RELN: variants seen among roughly 807,000 people sequenced by gnomAD.
RELN encodes reelin.
RELN carries 108 observed loss-of-function variants against 427.6 expected under a neutral mutation model. The observed-to-expected ratio is 0.25, with a 90% confidence interval of 0.22 to 0.30. The LOEUF (loss-of-function observed/expected upper bound fraction) is 0.30, where lower values mean the gene tolerates loss of function less well. RELN is among the 10% of genes least tolerant of loss of function. The probability of loss-of-function intolerance (pLI) is 1.00; values close to 1 mark genes in which losing one functional copy is unlikely to be tolerated. For missense variants in RELN, 3,715 were observed against 4,302.8 expected (o/e 0.86, Z 3.82); for synonymous variants, 1,524 against 1,513.4 (o/e 1.01, Z -0.16).
intron 1 of RELN, among the ~76,000 whole-genome samples, chr7:103,985,876 G>A (rs929278937): frequency 1.3e-5 from 2 of 152,080 alleles, no homozygotes; most frequent in African/African-American, 4.8e-5. Flanking sequence ...TGCTGATTAC[G>A]GGGCATGGCT....
intron 3 of RELN, among the ~76,000 whole-genome samples, chr7:103,825,335 G>C (rs956281408): frequency 6.6e-6 from 1 of 152,114 alleles, no homozygotes; most frequent in Non-Finnish European, 1.5e-5. Flanking sequence ...GCAGCACTAA[G>C]TCCTGGGCAC....
At chr7:103,656,604 C>T (rs1043047411) in intron 12 of RELN, among the ~76,000 whole-genome samples, 3 of 152,044 alleles carry the variant, frequency 2.0e-5, no homozygotes, top group Non-Finnish European at 4.4e-5. Flanking sequence ...TCATGACACA[C>T]TGTTTTTATG....
chr7:103,670,553 T>G (rs989047553), intron 11 of RELN, among the ~76,000 whole-genome samples: 10 of 151,956 alleles, frequency 6.6e-5, no homozygotes, highest in Non-Finnish European at 8.8e-5. Flanking sequence ...TTTTTTGGTA[T>G]CATCATAGAA....
chr7:103,610,107 T>A (rs1244688632), intron 22 of RELN, among the ~76,000 whole-genome samples: 1 of 152,220 alleles, frequency 6.6e-6, no homozygotes, highest in African/African-American at 2.4e-5. Context: ...AAATATTACA[T>A]CTTTTTGAGT....
intron 43 of RELN, 73 bp from the exon 44 acceptor site, chr7:103,540,528 A>G (rs1830155544): frequency 7.0e-7 from 1 of 1,428,784 alleles, no homozygotes; most frequent in Non-Finnish European, 9.8e-7. Flanking sequence ...AGACAAGCAC[A>G]TGGGGTAATG....
intron 1 of RELN, among the ~76,000 whole-genome samples, chr7:103,958,432 T>G (rs912604438): frequency 8.5e-5 from 13 of 152,198 alleles, no homozygotes; most frequent in Non-Finnish European, 2.9e-5. Context: ...GTGGTGTGCT[T>G]CTGACCCAAT....
Position 103,636,337 on chromosome 7 carries a change from A to T in RELN, c.2201T>A (p.Val734Asp), listed in dbSNP as rs794727207. The change falls in exon 18 of 65, where the codon GTC (valine) becomes GAC (aspartate). Residue 734 changes from valine (V) to aspartate (D), a missense_variant. Physicochemically the swap from Val to Asp is radical, Grantham distance 152 (BLOSUM62 -3). Transcript: ENST00000428762. Reference protein sequence around the residue: ...HNFYSIRGAEVSFGCGVLASG... With the variant: ...HNFYSIRGAEDSFGCGVLASG... ...GGCCAAGACACCACAACCAAAGCTG[A>T]CTTCAGCACCACGGATAGAGTAAAA... 1 of 1,614,056 alleles carries T rather than the reference A, an allele frequency of 6.2e-7. No homozygotes were observed.
intron 5 of RELN, among the ~76,000 whole-genome samples, chr7:103,750,451 C>A (rs557234467): frequency 6.6e-6 from 1 of 152,236 alleles, no homozygotes; most frequent in East Asian, 1.9e-4. Flanking sequence ...TAAAAATAAC[C>A]CAGTCTTGGG....
At chr7:103,922,813 G>C (rs185998698) in intron 1 of RELN, among the ~76,000 whole-genome samples, 2 of 152,026 alleles carry the variant, frequency 1.3e-5, no homozygotes, top group Non-Finnish European at 1.5e-5. Flanking sequence ...GTCTACAAAT[G>C]CTCTATGGTC....
intron 10 of RELN, among the ~76,000 whole-genome samples, chr7:103,686,680 G>T (rs1465987586): frequency 1.3e-5 from 2 of 152,174 alleles, no homozygotes; most frequent in African/African-American, 4.8e-5. Context: ...ATTGGAAATT[G>T]ACTAATTTAT....
At chr7:103,909,469 G>C (rs867526642) in intron 2 of RELN, among the ~76,000 whole-genome samples, 2 of 150,174 alleles carry the variant, frequency 1.3e-5, no homozygotes, top group Non-Finnish European at 2.9e-5. Flanking sequence ...AAAGTTTGAA[G>C]TTTTTCTTAA....
At chr7:103,661,564 T>C (rs774071461) in intron 11 of RELN, 37 bp from the exon 12 acceptor site, 25 of 1,586,490 alleles carry the variant, frequency 1.6e-5, no homozygotes, top group Non-Finnish European at 8.6e-7. Flanking sequence ...AGAGTTAGAA[T>C]ATTAAGCCAA....
chr7:103,989,109 G>C lies in RELN; in HGVS notation c.226+22C>G. On this transcript the variant is annotated intron_variant, in intron 1 of 64. Transcript: ENST00000428762. This position sits in a 1 kb window ranked among gnomAD's most constrained non-coding sequence, Gnocchi z 4.9. ...GCGGGCGCACCCGGCGGCGGCGAGCGCGGAGGTGCTGCGGTACCTACCATG... is the reference window on the plus strand; with the variant it reads ...GCGGGCGCACCCGGCGGCGGCGAGCCCGGAGGTGCTGCGGTACCTACCATG... 1 of 1,606,536 alleles carries C rather than the reference G, an allele frequency of 6.2e-7. No individual in the cohort carries two copies. Among genetic ancestry groups the C allele is most frequent in the East Asian group, 2.2e-5 (1 of 44,760 alleles).
intron 18 of RELN, 64 bp downstream of exon 18, chr7:103,636,171 C>T: frequency 9.6e-7 from 1 of 1,039,382 alleles, no homozygotes. Context: ...TAAAAATGGA[C>T]AGTATAACTA....
intron 2 of RELN, among the ~76,000 whole-genome samples, chr7:103,896,058 C>T (rs1794952599): frequency 6.6e-6 from 1 of 151,962 alleles, no homozygotes; most frequent in African/African-American, 2.4e-5. Flanking sequence ...ACAAAAGTGG[C>T]CATTAAGCAC....
intron 3 of RELN, among the ~76,000 whole-genome samples, chr7:103,793,778 T>C (rs1032530835): frequency 6.6e-6 from 1 of 152,126 alleles, no homozygotes; most frequent in Admixed American, 6.6e-5. Context: ...CAGAAGGTTG[T>C]TTATTTGAGG....
At chr7:103,614,700 T>A (rs971922777) in intron 20 of RELN, among the ~76,000 whole-genome samples, 3 of 152,252 alleles carry the variant, frequency 2.0e-5, no homozygotes, top group African/African-American at 7.2e-5. Context: ...CTTTCATCTA[T>A]GTCATGGTCA....
chr7:103,490,846 G>C lies in RELN; in HGVS notation c.9444-17C>G, dbSNP rs750770819. On this transcript the variant is annotated splice_polypyrimidine_tract_variant and intron_variant, in intron 58 of 64. Transcript: ENST00000428762. ...GAATCCGATCTGCAGAAACCAAAAG[G>C]CTTTGTTAGACAAATTGTAAGAGAA... is the stretch of plus-strand genomic sequence containing the variant. 2.5e-6 allele frequency: 4 copies of C among 1,613,908 alleles called. No homozygotes were observed. The highest frequency in any genetic ancestry group is 3.4e-6 in the Non-Finnish European group (4 of 1,179,850).
At chr7:103,529,271 A>G (rs893064939) in intron 46 of RELN, among the ~76,000 whole-genome samples, 4 of 152,194 alleles carry the variant, frequency 2.6e-5, no homozygotes, top group Non-Finnish European at 5.9e-5. Flanking sequence ...TCCTGCAGAC[A>G]TTAAGTAGCT....
Sources: gnomAD v4.1 joint callset for allele counts (sites outside exome capture counted in the v4.1 genomes callset) on GRCh38, gnomAD v4.1.1 for gene constraint, Gnocchi (gnomAD v3.1) non-coding constraint, MANE v1.5 for transcripts, NCBI Gene and HGNC (gene_info 2026-07-23, HGNC 2026-07-21) for gene names.